Variants in TDRD1 observed in about 807,000 individuals in gnomAD.
The protein encoded by TDRD1 is tudor domain-containing protein 1.
A neutral mutation model predicts 140.6 loss-of-function variants in TDRD1; 37 were observed. The observed-to-expected ratio is 0.26, with a 90% CI of 0.20 to 0.35. The LOEUF (loss-of-function observed/expected upper bound fraction) is 0.35, where lower values mean the gene tolerates loss of function less well. Among genes scored for constraint, TDRD1 ranks in the 10% least tolerant of loss-of-function variants. The probability of loss-of-function intolerance (pLI) is 1.00; values close to 1 mark genes in which losing one functional copy is unlikely to be tolerated. For synonymous variants in TDRD1, 506 were observed against 475.7 expected (o/e 1.06, Z -0.83); for missense variants, 1,243 against 1,393.0 (o/e 0.89, Z 1.71).
At chr10:114,218,423 G>A in exon 18 of TDRD1, 3 of 1,584,650 alleles carry the variant, frequency 1.9e-6, no homozygotes, top group Non-Finnish European at 1.7e-6. Flanking sequence ...GGTGATGGTA[G>A]TTGGTATCGT....
chr10:114,202,087 C>A, intron 5 of TDRD1, 151 bp from the exon 6 acceptor site: 1 of 597,808 alleles, frequency 1.7e-6, no homozygotes, highest in Non-Finnish European at 2.9e-6. Flanking sequence ...GTAGCCAGCA[C>A]TGGGGAGTTT....
rs938140798 is a variant in TDRD1 at position 114,192,292 on chromosome 10, C to CTTTTTTTTTTTTTTTT, written c.384+1287_384+1302dup. On this transcript the variant is annotated intron_variant, in intron 3 of 25. Transcript: ENST00000251864. ...TCCCCAAAAAAGTTTGATAGTTTTCCTTTTTTTTTTTTTTTTTTTTTTTTT... is the reference window on the plus strand; with the variant it reads ...TCCCCAAAAAAGTTTGATAGTTTTCCTTTTTTTTTTTTTTTTTTTTTTTTTTTTTTTTTTTTTTTTT... 8.0e-5 allele frequency among the ~76,000 whole-genome samples: 6 copies of CTTTTTTTTTTTTTTTT among 75,112 alleles called. 2 individuals carry two copies. The highest frequency in any genetic ancestry group is 1.2e-4 in the African/African-American group (2 of 16,944). The allele number at this position is 75,112 out of a possible 152,430, so 49.3% of individuals were successfully genotyped here.
chr10:114,202,869 T>C (rs2034853455), intron 6 of TDRD1, among the ~76,000 whole-genome samples: 1 of 152,240 alleles, frequency 6.6e-6, no homozygotes, highest in Non-Finnish European at 1.5e-5. Context: ...CGTGGCCTTA[T>C]TCTTGGGTTA....
At chr10:114,182,324 A>G (rs1031937152) in intron 1 of TDRD1, among the ~76,000 whole-genome samples, 1 of 152,218 alleles carries the variant, frequency 6.6e-6, no homozygotes, top group Non-Finnish European at 1.5e-5. Context: ...ACAGGTGTAG[A>G]TGTCTATTTG....
chr10:114,213,297 C>G, intron 14 of TDRD1, 49 bp from the exon 15 acceptor site: 1 of 1,561,004 alleles, frequency 6.4e-7, no homozygotes. Flanking sequence ...AGCTAAATTT[C>G]TAAATGCTTT....
At position 114,214,133 on chromosome 10, in the gene TDRD1, T is replaced by C; in HGVS notation, c.2212+19T>C. ...GAGGATGGTAAGTTGATTCTTGTCATTTGTTTCTTTTTACAAATACATTGG... is the reference window on the plus strand; with the variant it reads ...GAGGATGGTAAGTTGATTCTTGTCACTTGTTTCTTTTTACAAATACATTGG... On this transcript the variant is annotated intron_variant, in intron 16 of 25. Coordinates refer to ENST00000251864, the Ensembl canonical transcript of TDRD1. 1 of 1,609,634 alleles carries C rather than the reference T, an allele frequency of 6.2e-7. No homozygotes were observed. The highest frequency in any genetic ancestry group is 8.5e-7 in the Non-Finnish European group (1 of 1,176,472).
At chr10:114,192,286 G>GT (rs1361937475) in intron 3 of TDRD1, among the ~76,000 whole-genome samples, 2 of 60,156 alleles carry the variant, frequency 3.3e-5, no homozygotes, top group African/African-American at 1.3e-4. Context: ...AAGTTTGATA[G>GT]TTTTCCTTTT....
intron 18 of TDRD1, among the ~76,000 whole-genome samples, chr10:114,219,234 G>C: frequency 6.6e-6 from 1 of 152,162 alleles, no homozygotes; most frequent in African/African-American, 2.4e-5. Context: ...GCCAACTGCT[G>C]CTTGCTGTCT....
intron 4 of TDRD1, among the ~76,000 whole-genome samples, chr10:114,199,580 A>T (rs2034592734): frequency 6.6e-6 from 1 of 152,150 alleles, no homozygotes; most frequent in African/African-American, 2.4e-5. Flanking sequence ...CCTTGTCATA[A>T]CATAGGATGT....
chr10:114,194,783 A>G (rs1442741308), intron 3 of TDRD1, among the ~76,000 whole-genome samples: 2 of 145,888 alleles, frequency 1.4e-5, no homozygotes, highest in African/African-American at 5.0e-5. Flanking sequence ...TTATTAGACA[A>G]GGTCTCCCTC....
chr10:114,209,307 A>G (rs562932968), intron 11 of TDRD1, among the ~76,000 whole-genome samples: 4 of 152,260 alleles, frequency 2.6e-5, no homozygotes, highest in African/African-American at 9.6e-5. Context: ...CACTCCACCT[A>G]TGTACACGTG....
chr10:114,191,193 G>T (rs906909887), intron 3 of TDRD1, among the ~76,000 whole-genome samples, 174 bp downstream of exon 3: 1 of 152,218 alleles, frequency 6.6e-6, no homozygotes, highest in Non-Finnish European at 1.5e-5. Flanking sequence ...TTCACATGCA[G>T]TTGTAAGAAA....
exon 6 of TDRD1, chr10:114,202,271 A>T (rs1256370713): frequency 6.2e-7 from 1 of 1,603,410 alleles, no homozygotes; most frequent in East Asian, 2.2e-5. Flanking sequence ...CATCTATTGA[A>T]ACAAAGGATG....
intron 18 of TDRD1, among the ~76,000 whole-genome samples, chr10:114,219,136 T>C (rs1399815060): frequency 6.6e-6 from 1 of 152,186 alleles, no homozygotes; most frequent in African/African-American, 2.4e-5. Flanking sequence ...ATGTTAAATA[T>C]GTGTTATTGA....
chr10:114,195,631 A>T (rs2034291109), intron 3 of TDRD1, among the ~76,000 whole-genome samples: 1 of 152,136 alleles, frequency 6.6e-6, no homozygotes, highest in African/African-American at 2.4e-5. Context: ...TTTTCTTAAC[A>T]TTTACATATT....
At chr10:114,196,743 G>C (rs1024073984) in intron 3 of TDRD1, among the ~76,000 whole-genome samples, 2 of 147,830 alleles carry the variant, frequency 1.4e-5, no homozygotes, top group African/African-American at 5.0e-5. Flanking sequence ...GATGTGTCTT[G>C]GTGTTTAGTC....
chr10:114,200,390 GTTT>G (rs1376359999), intron 4 of TDRD1, among the ~76,000 whole-genome samples: 1 of 149,160 alleles, frequency 6.7e-6, no homozygotes, highest in Non-Finnish European at 1.5e-5. Flanking sequence ...TGTTGTTGTT[GTTT>G]TTTAGATAAC....
chr10:114,206,140 C>A, intron 10 of TDRD1, 104 bp from the exon 11 acceptor site: 3 of 815,676 alleles, frequency 3.7e-6, no homozygotes, highest in Non-Finnish European at 5.9e-6. Context: ...CTATTAATAG[C>A]TATGAACGTG....
chr10:114,189,996 T>C (rs1161225584), intron 2 of TDRD1, among the ~76,000 whole-genome samples: 1 of 152,202 alleles, frequency 6.6e-6, no homozygotes, highest in Non-Finnish European at 1.5e-5. Context: ...TGGTGTACTA[T>C]TAAAGGCAAA....
Sources: allele counts gnomAD v4.1 joint callset (sites outside exome capture counted in the v4.1 genomes callset), GRCh38; gene constraint gnomAD v4.1.1; transcripts MANE v1.5; gene names NCBI Gene and HGNC (gene_info 2026-07-23, HGNC 2026-07-21).